The following AGK variants were observed in gnomAD, a reference collection of about 807,000 sequenced individuals.
AGK encodes the protein acylglycerol kinase, also known as acylglycerol kinase, mitochondrial.
In AGK, 52 loss-of-function variants were observed where a neutral mutation model predicts 66.4. That is an observed-to-expected ratio of 0.78 (90% CI 0.63 to 0.99). The LOEUF (loss-of-function observed/expected upper bound fraction) is 0.99. Ranked by LOEUF, AGK falls within the 50% of genes least tolerant of loss-of-function variation. AGK has a pLI of 0.00. For missense variants in AGK, 451 were observed against 506.6 expected, an observed-to-expected ratio of 0.89 and a Z score of 1.05; for synonymous variants, 182 against 181.1, an observed-to-expected ratio of 1.00 and a Z score of -0.04.
chr7:141,586,270 T>A (rs967410087), intron 2 of AGK, among the ~76,000 whole-genome samples: 1 of 152,200 alleles, frequency 6.6e-6, no homozygotes, highest in Admixed American at 6.5e-5. Context: ...TTTTAGTTTT[T>A]CATCCTGTAC....
intron 9 of AGK, among the ~76,000 whole-genome samples, chr7:141,625,162 ATAGAC>A (rs1470395876): frequency 6.6e-6 from 1 of 152,130 alleles, no homozygotes; most frequent in East Asian, 1.9e-4. Context: ...TGCACACTCA[ATAGAC>A]TATAGTATAA....
At chr7:141,563,936 C>T (rs972125072) in intron 2 of AGK, among the ~76,000 whole-genome samples, 3 of 152,122 alleles carry the variant, frequency 2.0e-5, no homozygotes, top group Non-Finnish European at 2.9e-5. Context: ...CATTTCCTCT[C>T]GTTTTCACAA....
chr7:141,563,233 C>T (rs1460571327), intron 2 of AGK, among the ~76,000 whole-genome samples: 1 of 152,212 alleles, frequency 6.6e-6, no homozygotes, highest in Non-Finnish European at 1.5e-5. Flanking sequence ...GTGGGAGATG[C>T]AATGCACATT....
intron 2 of AGK, among the ~76,000 whole-genome samples, chr7:141,562,514 G>C (rs1483432199): frequency 6.6e-6 from 1 of 152,178 alleles, no homozygotes; most frequent in African/African-American, 2.4e-5. Flanking sequence ...CTCTCCTTGG[G>C]GAGGGCTTGC....
chr7:141,633,180 C>T (rs116302813), intron 9 of AGK, among the ~76,000 whole-genome samples: 1,856 of 152,222 alleles, frequency 0.012, 47 homozygotes, highest in African/African-American at 0.041. Context: ...CAGTTTTCAG[C>T]TCTTAGACTT....
At chr7:141,577,672 A>G (rs1358699112) in intron 2 of AGK, among the ~76,000 whole-genome samples, 1 of 151,812 alleles carries the variant, frequency 6.6e-6, no homozygotes, top group African/African-American at 2.4e-5. Flanking sequence ...CCTGCTGCAA[A>G]AGGCAGGAAC....
At chr7:141,601,182 T>C in intron 4 of AGK, 23 bp from the exon 5 acceptor site, 2 of 1,573,098 alleles carry the variant, frequency 1.3e-6, no homozygotes, top group Non-Finnish European at 8.7e-7. Flanking sequence ...TTAAAATGTT[T>C]ATATTTTTTC....
At chr7:141,563,136 C>A (rs1236868332) in intron 2 of AGK, among the ~76,000 whole-genome samples, 1 of 152,218 alleles carries the variant, frequency 6.6e-6, no homozygotes, top group Non-Finnish European at 1.5e-5. Context: ...TCTGTGAATT[C>A]TTTCAGTTTT....
intron 2 of AGK, among the ~76,000 whole-genome samples, chr7:141,572,021 A>G (rs1795618144): frequency 6.6e-6 from 1 of 152,180 alleles, no homozygotes; most frequent in South Asian, 2.1e-4. Flanking sequence ...TAAGCAGAAA[A>G]TGGGAATTCA....
chr7:141,564,934 T>A (rs967235190), intron 2 of AGK, among the ~76,000 whole-genome samples: 1 of 151,950 alleles, frequency 6.6e-6, no homozygotes, highest in African/African-American at 2.4e-5. Flanking sequence ...TCCATGTTGG[T>A]CAGGCTGGTC....
chr7:141,585,269 A>C (rs1012451642), intron 2 of AGK, among the ~76,000 whole-genome samples: 2 of 151,970 alleles, frequency 1.3e-5, no homozygotes, highest in African/African-American at 4.8e-5. Flanking sequence ...CTATTTTCCC[A>C]TTATCTGTTT....
At chr7:141,579,597 C>T (rs145380742) in intron 2 of AGK, among the ~76,000 whole-genome samples, 2,708 of 151,880 alleles carry the variant, frequency 0.018, 105 homozygotes, top group African/African-American at 0.062. Context: ...TGCAAATCCC[C>T]GAGCTTGATG....
At position 141,649,273 on chromosome 7, in the gene AGK, A is replaced by G; in HGVS notation, c.986A>G (p.Asp329Gly). The part of the protein sequence containing the change: ...NNQLDPTSKE[D>G]FLNICIEPDT... ...TCTTAACCTTTTTAGAGCAAAGAAG[A>G]TTTTCTGAATATCTGCATTGAACCT... Residue 329 changes from aspartate (D) to glycine (G), a missense_variant, in exon 14 of 16, where the codon GAT (aspartate) becomes GGT (glycine). Asp to Gly is a moderately conservative substitution (Grantham distance 94). Transcript: ENST00000649286. 6.2e-7 allele frequency: 1 copy of G among 1,613,546 alleles called. No individual in the cohort carries two copies. The highest frequency in any genetic ancestry group is 1.1e-5 in the South Asian group (1 of 91,060).
chr7:141,577,935 C>G (rs1352452828), intron 2 of AGK, among the ~76,000 whole-genome samples: 11 of 151,848 alleles, frequency 7.2e-5, no homozygotes, highest in African/African-American at 2.7e-4. Flanking sequence ...GCATCAGCCT[C>G]TCAGGTAGCT....
rs1476422432 is a variant in AGK, at chr7:141,654,189, A to C, written c.*1265A>C. 1 of 152,208 alleles carries C rather than the reference A, an allele frequency of 6.6e-6. No individual in the cohort carries two copies. The highest frequency in any genetic ancestry group is 1.5e-5 in the Non-Finnish European group (1 of 68,038). The allele number at this position is 152,208 out of a possible 1,614,324, so 9.4% of individuals were successfully genotyped here. ...TGTTTGTTATCTCAGTCCAGAACCA[A>C]TATTATCGTAATTAATTATTGGTAT... is the stretch of plus-strand genomic sequence containing the variant. On this transcript the variant is annotated 3_prime_UTR_variant, in exon 16 of 16. Coordinates refer to ENST00000649286, the MANE Select transcript of AGK (RefSeq NM_018238.4).
At chr7:141,558,468 A>G (rs796444075) in intron 2 of AGK, among the ~76,000 whole-genome samples, 10 of 151,778 alleles carry the variant, frequency 6.6e-5, no homozygotes, top group African/African-American at 2.4e-4. Context: ...CCTGGCCTAT[A>G]TTATCTCTAA....
At chr7:141,622,466 C>T (rs1197453205) in intron 9 of AGK, among the ~76,000 whole-genome samples, 1 of 152,208 alleles carries the variant, frequency 6.6e-6, no homozygotes, top group African/African-American at 2.4e-5. Context: ...CTCTGTGTCA[C>T]ATTTTGGTAA....
At chr7:141,645,962 A>G (rs185733260) in intron 13 of AGK, among the ~76,000 whole-genome samples, 1 of 152,174 alleles carries the variant, frequency 6.6e-6, no homozygotes, top group African/African-American at 2.4e-5. Context: ...AGACATTGGT[A>G]TGAGACAAGC....
At chr7:141,626,849 G>T (rs768855619) in intron 9 of AGK, among the ~76,000 whole-genome samples, 2 of 152,186 alleles carry the variant, frequency 1.3e-5, no homozygotes, top group Non-Finnish European at 2.9e-5. Context: ...AGAAATTTTA[G>T]TATTAACTAT....
Sources: allele counts gnomAD v4.1 joint callset (sites outside exome capture counted in the v4.1 genomes callset), GRCh38; gene constraint gnomAD v4.1.1; transcripts MANE v1.5; gene names NCBI Gene and HGNC (gene_info 2026-07-23, HGNC 2026-07-21).